The following CIAO2A variants were observed in gnomAD, a reference collection of about 807,000 sequenced individuals.
The protein encoded by CIAO2A is MIP18 family protein FAM96A.
CIAO2A carries 17 observed loss-of-function variants against 22.4 expected under a neutral mutation model. That is an observed-to-expected ratio of 0.76 (90% CI 0.52 to 1.14). The LOEUF (loss-of-function observed/expected upper bound fraction) is 1.14. CIAO2A is among the 50% of genes most tolerant of loss of function. The probability of loss-of-function intolerance (pLI) is 0.00; values close to 1 mark genes in which losing one functional copy is unlikely to be tolerated. For missense variants in CIAO2A, 192 were observed against 191.4 expected, an observed-to-expected ratio of 1.00 and a Z score of -0.02; for synonymous variants, 74 against 72.3, an observed-to-expected ratio of 1.02 and a Z score of -0.12.
intron 2 of CIAO2A, among the ~76,000 whole-genome samples, chr15:64,085,081 A>AAAAATAAAATAAAATAAAAT (rs57243810): frequency 6.7e-6 from 1 of 148,928 alleles, no homozygotes; most frequent in African/African-American, 2.5e-5. Context: ...CTCTGTCTCA[A>AAAAATAAAATAAAATAAAAT]AAAATAAAAT....
chr15:64,087,987 C>T (rs1304770656), intron 2 of CIAO2A, among the ~76,000 whole-genome samples: 1 of 152,198 alleles, frequency 6.6e-6, no homozygotes. Context: ...CTCTCCATAT[C>T]AGTACATGCA....
intron 4 of CIAO2A, 190 bp downstream of exon 4, chr15:64,075,302 C>G (rs1263067048): frequency 2.0e-6 from 1 of 503,678 alleles, no homozygotes; most frequent in African/African-American, 2.0e-5. Context: ...CTCTAGTGCA[C>G]TCGGAGTCCA....
chr15:64,088,940 T>G (rs2080818733), intron 1 of CIAO2A, 89 bp from the exon 2 acceptor site: 2 of 1,261,516 alleles, frequency 1.6e-6, no homozygotes, highest in South Asian at 2.9e-5. Flanking sequence ...AAGCACTGAC[T>G]TCTCTTACGT....
chr15:64,087,821 C>G (rs900033290), intron 2 of CIAO2A, among the ~76,000 whole-genome samples: 4 of 152,084 alleles, frequency 2.6e-5, no homozygotes, highest in African/African-American at 9.7e-5. Context: ...GCTCCCACCA[C>G]CACTATTACC....
chr15:64,078,143 T>G (rs554118190), intron 3 of CIAO2A, among the ~76,000 whole-genome samples: 1 of 152,226 alleles, frequency 6.6e-6, no homozygotes, highest in Non-Finnish European at 1.5e-5. Flanking sequence ...TTCATTATTT[T>G]CATTTCAAAT....
At chr15:64,073,777 C>G (rs2080693717) in intron 4 of CIAO2A, 1 of 152,160 alleles carries the variant, frequency 6.6e-6, no homozygotes, top group African/African-American at 2.4e-5. Flanking sequence ...TTCGTAGAGA[C>G]AGGGTCTCAC....
chr15:64,092,852 T>TA (rs894911067), intron 1 of CIAO2A, among the ~76,000 whole-genome samples: 3 of 152,134 alleles, frequency 2.0e-5, no homozygotes, highest in Admixed American at 6.5e-5. Context: ...ACAACATAAT[T>TA]AAAAAAACAA....
intron 1 of CIAO2A, among the ~76,000 whole-genome samples, chr15:64,091,504 G>T (rs1046373670): frequency 3.3e-5 from 5 of 149,318 alleles, no homozygotes; most frequent in African/African-American, 9.9e-5. Context: ...AAAAAAGAAA[G>T]AAAGAAGCAG....
At chr15:64,075,860 G>A (rs1423167564) in intron 3 of CIAO2A, among the ~76,000 whole-genome samples, 7 of 151,206 alleles carry the variant, frequency 4.6e-5, no homozygotes, top group Non-Finnish European at 8.9e-5. Flanking sequence ...ATGGGGTTTC[G>A]CCATGTTGGC....
At chr15:64,086,182 G>A (rs2080793041) in intron 2 of CIAO2A, among the ~76,000 whole-genome samples, 1 of 151,684 alleles carries the variant, frequency 6.6e-6, no homozygotes, top group Non-Finnish European at 1.5e-5. Flanking sequence ...GCCGAGGTGG[G>A]CAGATCACCT....
intron 3 of CIAO2A, among the ~76,000 whole-genome samples, chr15:64,075,799 G>A (rs989819795): frequency 6.6e-6 from 1 of 151,770 alleles, no homozygotes; most frequent in Non-Finnish European, 1.5e-5. Flanking sequence ...ACAGGCAGAC[G>A]CCACCACACC....
At chr15:64,091,163 GC>G (rs11327994) in intron 1 of CIAO2A, among the ~76,000 whole-genome samples, 84,853 of 152,026 alleles carry the variant, frequency 0.56, 27,726 homozygotes, top group East Asian at 0.81. Flanking sequence ...TCTTTAATTT[GC>G]TCCTGGGCTT....
At chr15:64,088,949 G>A (rs16947748) in intron 1 of CIAO2A, 98 bp from the exon 2 acceptor site, 778,138 of 1,149,588 alleles carry the variant, frequency 0.68, 274,754 homozygotes, top group East Asian at 0.81. Flanking sequence ...CTTCTCTTAC[G>A]TTTAAGCAAA....
intron 1 of CIAO2A, 96 bp downstream of exon 1, chr15:64,093,549 C>T: frequency 1.5e-6 from 2 of 1,351,396 alleles, no homozygotes; most frequent in Non-Finnish European, 2.0e-6. Flanking sequence ...AAAAAGGTCT[C>T]CCCTCCCAGC....
intron 3 of CIAO2A, among the ~76,000 whole-genome samples, chr15:64,075,809 C>T (rs1481950466): frequency 1.3e-5 from 2 of 152,006 alleles, no homozygotes; most frequent in East Asian, 1.9e-4. Context: ...GCCACCACAC[C>T]CAGCTAAGTT....
At chr15:64,077,289 C>T (rs1316063887) in intron 3 of CIAO2A, among the ~76,000 whole-genome samples, 1 of 142,422 alleles carries the variant, frequency 7.0e-6, no homozygotes, top group Non-Finnish European at 1.6e-5. Context: ...CAGAGCGAGA[C>T]TCCGTCTCAA....
intron 2 of CIAO2A, among the ~76,000 whole-genome samples, chr15:64,083,605 T>C (rs1260167175): frequency 6.6e-6 from 1 of 152,114 alleles, no homozygotes; most frequent in Non-Finnish European, 1.5e-5. Flanking sequence ...TCCAGCTGTG[T>C]TGACTGAACA....
chr15:64,086,066 T>A (rs1384931717), intron 2 of CIAO2A, among the ~76,000 whole-genome samples: 1 of 151,930 alleles, frequency 6.6e-6, no homozygotes, highest in Non-Finnish European at 1.5e-5. Context: ...TCAAAATTAC[T>A]GCCAATAAAC....
intron 1 of CIAO2A, among the ~76,000 whole-genome samples, chr15:64,091,191 C>T (rs1366876417): frequency 1.3e-5 from 2 of 152,120 alleles, no homozygotes; most frequent in Non-Finnish European, 2.9e-5. Context: ...TGATTAGAAA[C>T]AGAATTTTGC....
Sources: gnomAD v4.1 joint callset for allele counts (sites outside exome capture counted in the v4.1 genomes callset) on GRCh38, gnomAD v4.1.1 for gene constraint, MANE v1.5 for transcripts, NCBI Gene and HGNC (gene_info 2026-07-23, HGNC 2026-07-21) for gene names.